KAZN: variants seen among roughly 807,000 people sequenced by gnomAD.
KAZN encodes kazrin.
Under a neutral mutation model 87.4 loss-of-function variants are expected in KAZN, and 40 were observed. The ratio of observed to expected loss-of-function variants is 0.46; its 90% CI spans 0.36 to 0.60. KAZN has a LOEUF of 0.60. Among genes scored for constraint, KAZN ranks in the 20% least tolerant of loss-of-function variants. The pLI is 0.00. For synonymous variants in KAZN, 466 were observed against 458.3 expected (o/e 1.02, Z -0.22); for missense variants, 898 against 1,073.9 (o/e 0.84, Z 2.29).
At chr1:14,130,174 C>T (rs927082816) in intron 1 of KAZN, among the ~76,000 whole-genome samples, 5 of 152,138 alleles carry the variant, frequency 3.3e-5, no homozygotes, top group Non-Finnish European at 5.9e-5. Context: ...AGGGCTATCG[C>T]CTCTCTCCTC....
chr1:14,976,091 G>A (rs1665588069), intron 2 of KAZN, among the ~76,000 whole-genome samples: 2 of 129,622 alleles, frequency 1.5e-5, no homozygotes. Flanking sequence ...CCTGCGCGGT[G>A]AGCCCGCACA....
intron 1 of KAZN, among the ~76,000 whole-genome samples, chr1:14,117,214 T>C (rs1414342051): frequency 2.0e-5 from 3 of 152,154 alleles, no homozygotes; most frequent in Non-Finnish European, 4.4e-5. Context: ...TGGAATGATA[T>C]GGTTTGGCTG....
chr1:14,149,664 C>T (rs989735636), intron 1 of KAZN, among the ~76,000 whole-genome samples: 1 of 152,182 alleles, frequency 6.6e-6, no homozygotes, highest in African/African-American at 2.4e-5. Flanking sequence ...CTGCTGACAG[C>T]CTCCTTGTGG....
intron 2 of KAZN, among the ~76,000 whole-genome samples, chr1:14,243,371 C>T (rs1315419283): frequency 1.3e-5 from 2 of 152,130 alleles, no homozygotes; most frequent in Non-Finnish European, 2.9e-5. Flanking sequence ...TTTTCTCCAC[C>T]AGTCTCTGGG....
intron 2 of KAZN, among the ~76,000 whole-genome samples, chr1:14,260,465 C>A (rs955654863): frequency 6.6e-6 from 1 of 152,078 alleles, no homozygotes. Flanking sequence ...ATTTCGATGA[C>A]CCGCATGGCT....
At chr1:14,152,708 G>C (rs111510823) in intron 1 of KAZN, among the ~76,000 whole-genome samples, 6,922 of 152,228 alleles carry the variant, frequency 0.045, 310 homozygotes, top group East Asian at 0.26. Flanking sequence ...ATGTACCTAG[G>C]AGTGGGATTG....
chr1:14,291,967 G>A (rs1430027568), intron 2 of KAZN, among the ~76,000 whole-genome samples: 2 of 152,184 alleles, frequency 1.3e-5, no homozygotes, highest in Non-Finnish European at 2.9e-5. Flanking sequence ...ATGCAAAACT[G>A]TGAGTCAATT....
At chr1:13,907,052 G>A (rs1392921386) in intron 1 of KAZN, among the ~76,000 whole-genome samples, 1 of 152,340 alleles carries the variant, frequency 6.6e-6, no homozygotes, top group Middle Eastern at 3.4e-3. Context: ...TTAGCTCAGA[G>A]AAAAGAAATA....
At position 14,826,221 on chromosome 1, in the gene KAZN, A is replaced by T. The variant is rs60243828; in HGVS notation, c.227-134463A>T. 0.041 allele frequency among the ~76,000 whole-genome samples: 6,210 copies of T among 152,310 alleles called. 656 individuals are homozygous for T. In the East Asian group the frequency reaches 0.46, roughly 11 times the overall value. ...TTTGTTGTTCCTCCCAGATTGCAAA[A>T]GCAGGAATAAAGGGAAAGAAGGGAA... On this transcript the variant is annotated intron_variant, in intron 1 of 14. Transcript: ENST00000376030.
At chr1:14,141,473 C>T (rs182988948) in intron 1 of KAZN, among the ~76,000 whole-genome samples, 13 of 145,864 alleles carry the variant, frequency 8.9e-5, no homozygotes, top group Admixed American at 6.8e-4. Flanking sequence ...CCAGATGTAA[C>T]GAACGGCTCA....
chr1:14,143,003 C>T (rs1645273257), intron 1 of KAZN, among the ~76,000 whole-genome samples: 1 of 151,958 alleles, frequency 6.6e-6, no homozygotes, highest in Non-Finnish European at 1.5e-5. Context: ...CAGCATGAGC[C>T]AAAGTTTGCG....
intron 1 of KAZN, among the ~76,000 whole-genome samples, chr1:14,092,562 CAT>C (rs1028951687): frequency 7.2e-5 from 9 of 125,466 alleles, no homozygotes; most frequent in South Asian, 2.3e-4. Context: ...CATATACACA[CAT>C]ATATACATAT....
At chr1:15,065,037 T>TTC (rs1407596038) in intron 7 of KAZN, among the ~76,000 whole-genome samples, 1 of 143,206 alleles carries the variant, frequency 7.0e-6, no homozygotes, top group African/African-American at 2.6e-5. Flanking sequence ...CTTTTTTTTT[T>TTC]TTTTTTTTTT....
chr1:14,617,724 T>G (rs1266485996), intron 1 of KAZN, among the ~76,000 whole-genome samples: 1 of 152,210 alleles, frequency 6.6e-6, no homozygotes, highest in African/African-American at 2.4e-5. Flanking sequence ...AGACCTGTAG[T>G]GCTGAAGAGT....
At chr1:14,350,133 CAA>C (rs111546286) in intron 2 of KAZN, among the ~76,000 whole-genome samples, 2,944 of 100,420 alleles carry the variant, frequency 0.029, 113 homozygotes, top group African/African-American at 0.1. Flanking sequence ...GACTCCATCT[CAA>C]AAAAAAAAAA....
chr1:14,022,439 G>C (rs529862285), intron 1 of KAZN, among the ~76,000 whole-genome samples: 2 of 128,820 alleles, frequency 1.6e-5, no homozygotes, highest in East Asian at 5.0e-4. Context: ...ACTGAGTATA[G>C]GTCTTGAAAA....
intron 1 of KAZN, among the ~76,000 whole-genome samples, chr1:14,164,801 AG>A (rs367614834): frequency 0.012 from 1,842 of 152,056 alleles, 17 homozygotes; most frequent in Non-Finnish European, 0.018. Flanking sequence ...GGCCTCCCAA[AG>A]TGCTGGGATT....
Position 15,110,223 on chromosome 1 carries a change from TTGTG to T in KAZN, c.2049-2202_2049-2199del, listed in dbSNP as rs553908281. 3.4e-4 allele frequency among the ~76,000 whole-genome samples: 37 copies of T among 108,704 alleles called. No homozygotes were observed. The South Asian group carries it at 5.6e-3, about 16-fold the overall frequency. The allele number at this position is 108,704 out of a possible 152,430, so 71.3% of individuals were successfully genotyped here. A position where few individuals can be genotyped will look rare whatever the true frequency, so the allele number is the denominator to read the frequency against. On this transcript the variant is annotated intron_variant, in intron 13 of 14. Transcript: ENST00000376030. ...ATGTTTAGGTGGTGTTTGTGTGTGT[TTGTG>T]TATGTGTATATATGTATATGTGTAT...
intron 2 of KAZN, among the ~76,000 whole-genome samples, chr1:14,575,101 T>G (rs967823155): frequency 8.6e-5 from 13 of 151,988 alleles, no homozygotes; most frequent in African/African-American, 3.1e-4. Flanking sequence ...CCTAAAGATA[T>G]TAAGGATCCA....
Sources: gnomAD v4.1 joint callset for allele counts (sites outside exome capture counted in the v4.1 genomes callset) on GRCh38, gnomAD v4.1.1 for gene constraint, MANE v1.5 for transcripts, NCBI Gene and HGNC (gene_info 2026-07-23, HGNC 2026-07-21) for gene names.